The following FAM216B variants were observed in gnomAD, a reference collection of about 807,000 sequenced individuals.
FAM216B encodes the protein family with sequence similarity 216 member B, also known as protein FAM216B.
In FAM216B, 11 loss-of-function variants were observed where a neutral mutation model predicts 12.9. The ratio of observed to expected loss-of-function variants is 0.86; its 90% confidence interval spans 0.54 to 1.42. FAM216B has a LOEUF of 1.42. FAM216B is among the 40% of genes most tolerant of loss of function. FAM216B has a pLI of 0.00. For synonymous variants in FAM216B, 52 were observed against 57.2 expected (o/e 0.91, Z 0.41); for missense variants, 167 against 162.9 (o/e 1.02, Z -0.14).
chr13:42,783,878 GA>G (rs1039899897), intron 1 of FAM216B, among the ~76,000 whole-genome samples, 175 bp from the exon 2 acceptor site: 1 of 152,016 alleles, frequency 6.6e-6, no homozygotes, highest in Non-Finnish European at 1.5e-5. Context: ...AAAATGTGTG[GA>G]ATTAAGTAGT....
chr13:42,783,143 T>C (rs948105129), intron 1 of FAM216B, among the ~76,000 whole-genome samples: 4 of 151,956 alleles, frequency 2.6e-5, no homozygotes, highest in Non-Finnish European at 5.9e-5. Flanking sequence ...ATCTTATCTC[T>C]ACTAACAATT....
chr13:42,789,422 A>AATTC lies in FAM216B; in HGVS notation c.*635_*638dup. On this transcript the variant is annotated 3_prime_UTR_variant, in exon 4 of 4. Coordinates refer to ENST00000313851, the MANE Select transcript of FAM216B (RefSeq NM_001318932.2). ...TAACTGGCCTTGACATGGGTAAGAG[A>AATTC]ATTCATGCACACATCTTTCCCTGGC... 6.6e-6 allele frequency: 1 copy of AATTC among 152,284 alleles called. No homozygotes were observed. Among genetic ancestry groups the AATTC allele is most frequent in the African/African-American group, 2.4e-5 (1 of 41,564 alleles). 9.4% of individuals were successfully genotyped at this position (152,284 alleles called of 1,614,324 possible).
At position 42,784,146 on chromosome 13, in the gene FAM216B, T is replaced by C; in HGVS notation, c.79T>C (p.Tyr27His). Residue 27 changes from tyrosine to histidine, a missense_variant, in exon 2 of 4, where the codon TAT becomes CAT. Coordinates refer to ENST00000313851, the MANE Select transcript of FAM216B (RefSeq NM_001318932.2). ...LPFIRVPPSI[Y>H]DTSLLKALNQ... is the part of the protein sequence containing the mutation. ...TTTTATTCGAGTTCCTCCCTCCATCTATGACACTTCCTTACTAAAGGTATG... is the reference window on the plus strand; with the variant it reads ...TTTTATTCGAGTTCCTCCCTCCATCCATGACACTTCCTTACTAAAGGTATG... The C allele has an allele frequency of 6.6e-7, 1 of 1,524,718 alleles. No homozygotes were observed. Among genetic ancestry groups the C allele is most frequent in the South Asian group, 1.1e-5 (1 of 87,114 alleles). The allele number at this position is 1,524,718 out of a possible 1,614,324, so 94.4% of individuals were successfully genotyped here. A position where few individuals can be genotyped will look rare whatever the true frequency, so the allele number is the denominator to read the frequency against.
intron 2 of FAM216B, among the ~76,000 whole-genome samples, chr13:42,786,351 C>G (rs541194029): frequency 1.6e-3 from 100 of 64,210 alleles, no homozygotes; most frequent in Middle Eastern, 8.2e-3. Context: ...CCACATTACT[C>G]ATCCATCTAT....
At position 42,790,111 on chromosome 13, in the gene FAM216B, C is replaced by A. The variant is rs1344684298; in HGVS notation, c.*1321C>A. ...TGACCTCTGCAAATTCTGGCCCTGACATGTATTCTAAATACCTTTACAGTT... is the reference window on the plus strand; with the variant it reads ...TGACCTCTGCAAATTCTGGCCCTGAAATGTATTCTAAATACCTTTACAGTT... On this transcript the variant is annotated 3_prime_UTR_variant, in exon 4 of 4. Transcript: ENST00000313851. The A allele has an allele frequency of 6.6e-6, 1 of 152,118 alleles. No homozygotes were observed. The highest frequency in any genetic ancestry group is 1.5e-5 in the Non-Finnish European group (1 of 68,026). 9.4% of individuals were successfully genotyped at this position (152,118 alleles called of 1,614,324 possible).
intron 2 of FAM216B, 78 bp downstream of exon 2, chr13:42,784,244 C>T (rs1003076079): frequency 2.0e-6 from 2 of 981,294 alleles, no homozygotes; most frequent in Non-Finnish European, 2.8e-6. Flanking sequence ...AGGACTTTTT[C>T]TGCTGTCTTT....
intron 2 of FAM216B, among the ~76,000 whole-genome samples, chr13:42,786,118 A>G (rs1393385508): frequency 6.6e-6 from 1 of 152,152 alleles, no homozygotes; most frequent in Non-Finnish European, 1.5e-5. Context: ...TTTCACAATC[A>G]GACTCTCTTC....
At chr13:42,783,664 A>G (rs2138032489) in intron 1 of FAM216B, among the ~76,000 whole-genome samples, 1 of 152,198 alleles carries the variant, frequency 6.6e-6, no homozygotes, top group Middle Eastern at 3.4e-3. Context: ...AAATTTTTCC[A>G]AATCTTCCAA....
Position 42,791,431 on chromosome 13 carries a change from T to C in FAM216B, c.*2641T>C, listed in dbSNP as rs1594551699. 2 of 152,294 alleles carry C rather than the reference T, an allele frequency of 1.3e-5. No homozygotes were observed. Among genetic ancestry groups the C allele is most frequent in the East Asian group, 3.9e-4 (2 of 5,192 alleles). 9.4% of individuals were successfully genotyped at this position (152,294 alleles called of 1,614,324 possible). On this transcript the variant is annotated 3_prime_UTR_variant, in exon 4 of 4. Coordinates refer to ENST00000313851, the MANE Select transcript of FAM216B (RefSeq NM_001318932.2). ...AAATAAACAATGATTATACCATGAT[T>C]GTAAAGACAAGAAACAGAACCTGAA...
rs1383792724 is a variant in FAM216B at position 42,790,547 on chromosome 13, T to C, written c.*1757T>C. ...AAGTTGGGCAAAAGATTCTATTTGT[T>C]GGTTCTCCCTTCTAAGATGATAATA... On this transcript the variant is annotated 3_prime_UTR_variant, in exon 4 of 4. Coordinates refer to ENST00000313851, the MANE Select transcript of FAM216B (RefSeq NM_001318932.2). 2.6e-5 allele frequency: 4 copies of C among 152,158 alleles called. No individual in the cohort carries two copies. Among genetic ancestry groups the C allele is most frequent in the African/African-American group, 9.7e-5 (4 of 41,426 alleles). 9.4% of individuals were successfully genotyped at this position (152,158 alleles called of 1,614,324 possible).
rs562505141 is a variant in FAM216B at position 42,784,066 on chromosome 13, C to A, written c.-2C>A. On this transcript the variant is annotated 5_prime_UTR_variant, in exon 2 of 4. Transcript: ENST00000313851. ...TTGTTTCTTGGAGGTATAGGATAAA[C>A]GATGGGACAAAACTGGAAAAGACAA... 14 of 1,593,422 alleles carry A rather than the reference C, an allele frequency of 8.8e-6. No homozygotes were observed. In the Admixed American group the frequency reaches 2.5e-4, roughly 29 times the overall value.
chr13:42,784,105 A>T lies in FAM216B; in HGVS notation c.38A>T (p.Asn13Ile), dbSNP rs1272128684. 1.9e-6 allele frequency: 3 copies of T among 1,607,072 alleles called. No individual in the cohort carries two copies. Among genetic ancestry groups the T allele is most frequent in the South Asian group, 2.2e-5 (2 of 90,388 alleles). ...QNWKRQQKLWNVPQLPFIRVP... is the reference protein window; with the variant it reads ...QNWKRQQKLWIVPQLPFIRVP... ...TGGAAAAGACAACAAAAGCTTTGGAATGTTCCACAACTTCCTTTTATTCGA... is the reference window on the plus strand; with the variant it reads ...TGGAAAAGACAACAAAAGCTTTGGATTGTTCCACAACTTCCTTTTATTCGA... The change falls in exon 2 of 4, where the codon AAT becomes ATT. Residue 13 changes from asparagine (N) to isoleucine (I), a missense_variant. Asn to Ile is a moderately radical substitution (Grantham distance 149, BLOSUM62 -3). Transcript: ENST00000313851.
At chr13:42,782,992 A>G (rs890787518) in intron 1 of FAM216B, among the ~76,000 whole-genome samples, 1 of 150,284 alleles carries the variant, frequency 6.7e-6, no homozygotes, top group Admixed American at 6.6e-5. Flanking sequence ...CACAATGTAC[A>G]CAGAAAAAAA....
In FAM216B at chr13:42,789,657, T is replaced by TGTGA. The variant is rs1310027335; in HGVS notation, c.*870_*871insAGTG. 92 of 151,934 alleles carry TGTGA rather than the reference T, an allele frequency of 6.1e-4. No individual in the cohort carries two copies. Among genetic ancestry groups the TGTGA allele is most frequent in the African/African-American group, 2.1e-3 (88 of 41,400 alleles). The allele number at this position is 151,934 out of a possible 1,614,324, so 9.4% of individuals were successfully genotyped here. A position where few individuals can be genotyped will look rare whatever the true frequency, so the allele number is the denominator to read the frequency against. ...GATTTTGTGTGTGTGTGTGTGTGTG[T>TGTGA]GTGTGTGTGTGTTAAAAATCAGTCA... On this transcript the variant is annotated 3_prime_UTR_variant, in exon 4 of 4. Transcript: ENST00000313851.
In FAM216B at chr13:42,786,748, G is replaced by A. The variant is rs1183903275; in HGVS notation, c.100-15G>A. Reference sequence around the variant, plus strand: ...CTCCACACACTCATCAAAATCACCTGTTCTGTTCCAACAGGCCCTCAACCA... The same window carrying A: ...CTCCACACACTCATCAAAATCACCTATTCTGTTCCAACAGGCCCTCAACCA... On this transcript the variant is annotated splice_polypyrimidine_tract_variant and intron_variant, in intron 2 of 3. Transcript: ENST00000313851. The A allele has an allele frequency of 1.9e-6, 3 of 1,613,474 alleles. No individual in the cohort carries two copies. In the South Asian group the frequency reaches 3.3e-5, roughly 18 times the overall value.
chr13:42,786,576 A>C (rs988967113), intron 2 of FAM216B, among the ~76,000 whole-genome samples, 187 bp from the exon 3 acceptor site: 1 of 152,072 alleles, frequency 6.6e-6, no homozygotes. Context: ...TTAGCAGAAG[A>C]CTGTTTAAGC....
intron 1 of FAM216B, among the ~76,000 whole-genome samples, chr13:42,782,013 T>A (rs1873873974): frequency 1.3e-5 from 2 of 152,008 alleles, no homozygotes; most frequent in Non-Finnish European, 1.5e-5. Flanking sequence ...ATTACAGGAG[T>A]ATATCTTGGT....
chr13:42,786,351 CAT>C (rs1874085820), intron 2 of FAM216B, among the ~76,000 whole-genome samples: 1 of 64,150 alleles, frequency 1.6e-5, no homozygotes, highest in Non-Finnish European at 4.0e-5. Context: ...CCACATTACT[CAT>C]CCATCTATCT....
chr13:42,782,943 A>G (rs1348196065), intron 1 of FAM216B, among the ~76,000 whole-genome samples: 2 of 152,214 alleles, frequency 1.3e-5, no homozygotes, highest in African/African-American at 4.8e-5. Context: ...GAAAGTGCAC[A>G]AAATGTATAA....
Sources: gnomAD v4.1 joint callset for allele counts (sites outside exome capture counted in the v4.1 genomes callset) on GRCh38, gnomAD v4.1.1 for gene constraint, MANE v1.5 for transcripts, NCBI Gene and HGNC (gene_info 2026-07-23, HGNC 2026-07-21) for gene names.